The following LGSN variants were observed in gnomAD, a reference collection of about 807,000 sequenced individuals.
The protein encoded by LGSN is lengsin.
In LGSN, 21 loss-of-function variants were observed where a neutral mutation model predicts 19.5. The observed-to-expected ratio is 1.07, with a 90% CI of 0.76 to 1.55. The LOEUF (loss-of-function observed/expected upper bound fraction) is 1.55. LGSN is among the 40% of genes most tolerant of loss of function. LGSN has a pLI of 0.00. For missense variants in LGSN, 673 were observed against 608.5 expected (o/e 1.11, Z -1.12); for synonymous variants, 257 against 215.6 (o/e 1.19, Z -1.68).
At chr6:63,341,688 C>A in the LGSN span, among the ~76,000 whole-genome samples, 1 of 152,146 alleles carries the variant, frequency 6.6e-6, no homozygotes, top group South Asian at 2.1e-4. Flanking sequence ...CATTGCAAAC[C>A]CTAAATTGAC....
chr6:63,451,628 A>T, the LGSN span, among the ~76,000 whole-genome samples: 1 of 152,196 alleles, frequency 6.6e-6, no homozygotes, highest in African/African-American at 2.4e-5. Context: ...GGAGAGGATC[A>T]GGAAAAATAA....
At chr6:63,440,466 T>C in the LGSN span, among the ~76,000 whole-genome samples, 1 of 152,200 alleles carries the variant, frequency 6.6e-6, no homozygotes, top group Non-Finnish European at 1.5e-5. Context: ...TGTGTCTGTC[T>C]GCCTAAATTT....
the LGSN span, among the ~76,000 whole-genome samples, chr6:63,440,332 C>T: frequency 6.6e-6 from 1 of 152,172 alleles, no homozygotes; most frequent in Admixed American, 6.5e-5. Flanking sequence ...GCCTGGCCTC[C>T]TCAGTTCCTG....
At chr6:63,326,064 G>A in the LGSN span, among the ~76,000 whole-genome samples, 190 of 151,820 alleles carry the variant, frequency 1.3e-3, 1 homozygote, top group African/African-American at 4.4e-3. Flanking sequence ...GGTTCTCCAC[G>A]TCCCCACCAG....
the LGSN span, among the ~76,000 whole-genome samples, chr6:63,340,563 T>G: frequency 4.0e-5 from 6 of 151,570 alleles, no homozygotes; most frequent in Admixed American, 1.3e-4. Context: ...AGCTCTCCCT[T>G]GTATTTTTTT....
the LGSN span, among the ~76,000 whole-genome samples, chr6:63,546,995 C>T: frequency 8.6e-5 from 13 of 152,004 alleles, no homozygotes; most frequent in Admixed American, 6.6e-4. Context: ...GTTGATAAAA[C>T]ATTCTTTTTT....
chr6:63,298,243 G>A (rs1392926071), intron 1 of LGSN, among the ~76,000 whole-genome samples: 1 of 152,170 alleles, frequency 6.6e-6, no homozygotes, highest in Admixed American at 6.5e-5. Flanking sequence ...GGGGATCATG[G>A]GTAAGTTGTC....
the LGSN span, among the ~76,000 whole-genome samples, chr6:63,446,440 G>A: frequency 2.0e-5 from 3 of 151,836 alleles, no homozygotes; most frequent in African/African-American, 4.8e-5. Flanking sequence ...CTTCACACCC[G>A]ATATCATTTA....
the LGSN span, among the ~76,000 whole-genome samples, chr6:63,353,588 CAAAAAAA>C: frequency 1.4e-3 from 106 of 74,174 alleles, 1 homozygote; most frequent in Non-Finnish European, 1.9e-3. Context: ...CAGTTTGTAG[CAAAAAAA>C]AAAAAAAAAA....
At chr6:63,544,195 A>G in the LGSN span, among the ~76,000 whole-genome samples, 23 of 152,308 alleles carry the variant, frequency 1.5e-4, no homozygotes, top group African/African-American at 5.3e-4. Flanking sequence ...AGTTTTCTAA[A>G]CATTCTTTGA....
the LGSN span, chr6:63,549,330 T>C: frequency 2.6e-4 from 197 of 754,076 alleles, 1 homozygote; most frequent in Middle Eastern, 2.7e-3. Context: ...CAACCTGATA[T>C]AGTGGGGGCC....
chr6:63,523,163 G>A, the LGSN span, among the ~76,000 whole-genome samples: 1 of 152,000 alleles, frequency 6.6e-6, no homozygotes, highest in Admixed American at 6.6e-5. Flanking sequence ...ATAGTACCCA[G>A]CCGAATCACT....
the LGSN span, among the ~76,000 whole-genome samples, chr6:63,359,045 G>A: frequency 2.1e-3 from 317 of 152,218 alleles, no homozygotes; most frequent in Non-Finnish European, 3.5e-3. Flanking sequence ...AGCATGAAGC[G>A]CTGTTGAATT....
the LGSN span, among the ~76,000 whole-genome samples, chr6:63,493,041 C>G: frequency 6.6e-6 from 1 of 152,164 alleles, no homozygotes; most frequent in Non-Finnish European, 1.5e-5. Flanking sequence ...ATTAACATTT[C>G]TCCAATGTCT....
intron 1 of LGSN, among the ~76,000 whole-genome samples, chr6:63,311,941 TG>T (rs1336699156): frequency 6.6e-6 from 1 of 152,194 alleles, no homozygotes; most frequent in Non-Finnish European, 1.5e-5. Flanking sequence ...TCTGCTTCTC[TG>T]AGTTCAACCT....
chr6:63,528,050 A>AT, the LGSN span: 1 of 152,234 alleles, frequency 6.6e-6, no homozygotes, highest in Admixed American at 6.5e-5. Flanking sequence ...AGCCAAGAGC[A>AT]TGGCTATGGG....
At chr6:63,324,025 A>T (rs995476308), upstream of LGSN, among the ~76,000 whole-genome samples, 1 of 152,108 alleles carries the variant, frequency 6.6e-6, no homozygotes, top group Non-Finnish European at 1.5e-5. Context: ...CACCTGCCTC[A>T]GCCTCCCAAA....
chr6:63,394,681 A>G, the LGSN span, among the ~76,000 whole-genome samples: 1 of 152,064 alleles, frequency 6.6e-6, no homozygotes, highest in Admixed American at 6.5e-5. Context: ...TACTCAATGG[A>G]TTTACCTCGA....
At chr6:63,477,687 C>CTTTTTCTTTTTTTT in the LGSN span, among the ~76,000 whole-genome samples, 2 of 61,026 alleles carry the variant, frequency 3.3e-5, no homozygotes, top group Non-Finnish European at 5.9e-5. Context: ...TTCTTTTTTT[C>CTTTTTCTTTTTTTT]TTTTTTTTTT....
Sources: gnomAD v4.1 joint callset for allele counts (sites outside exome capture counted in the v4.1 genomes callset) on GRCh38, gnomAD v4.1.1 for gene constraint, MANE v1.5 for transcripts, NCBI Gene and HGNC (gene_info 2026-07-23, HGNC 2026-07-21) for gene names.